The following FBXL17 variants were observed in gnomAD, a reference collection of about 807,000 sequenced individuals.
FBXL17 encodes F-box and leucine rich repeat protein 17, also known as F-box/LRR-repeat protein 17.
Under a neutral mutation model 66.2 loss-of-function variants are expected in FBXL17, and 22 were observed. The ratio of observed to expected loss-of-function variants is 0.33; its 90% confidence interval spans 0.24 to 0.47. FBXL17 has a LOEUF of 0.47. Among genes scored for constraint, FBXL17 ranks in the 20% least tolerant of loss-of-function variants. The pLI is 1.00. For synonymous variants in FBXL17, 474 were observed against 400.5 expected (o/e 1.18, Z -2.19); for missense variants, 878 against 948.2 (o/e 0.93, Z 0.97).
At chr5:108,025,581 G>A (rs531529231) in intron 6 of FBXL17, among the ~76,000 whole-genome samples, 6 of 152,002 alleles carry the variant, frequency 3.9e-5, no homozygotes, top group South Asian at 4.2e-4. Context: ...TTTAGAAATA[G>A]AACCTCATTT....
At chr5:107,893,319 G>A (rs915796119) in intron 7 of FBXL17, among the ~76,000 whole-genome samples, 3 of 152,120 alleles carry the variant, frequency 2.0e-5, no homozygotes, top group Non-Finnish European at 4.4e-5. Flanking sequence ...CTGCTCACAT[G>A]TGCACACACA....
intron 5 of FBXL17, among the ~76,000 whole-genome samples, chr5:108,222,787 T>A (rs1173398650): frequency 1.3e-5 from 2 of 148,438 alleles, no homozygotes; most frequent in African/African-American, 4.9e-5. Context: ...AATTCTCCCA[T>A]CTCAGCCTCC....
At chr5:107,967,182 C>T (rs1752176002) in intron 7 of FBXL17, among the ~76,000 whole-genome samples, 1 of 151,408 alleles carries the variant, frequency 6.6e-6, no homozygotes, top group South Asian at 2.1e-4. Context: ...TTTTTTTGTA[C>T]ATCGTTTTAA....
At chr5:108,120,535 A>T (rs940025518) in intron 6 of FBXL17, among the ~76,000 whole-genome samples, 1 of 152,210 alleles carries the variant, frequency 6.6e-6, no homozygotes, top group Non-Finnish European at 1.5e-5. Context: ...AGTTTGATCT[A>T]AAAGTTTCAC....
At chr5:108,149,304 T>C (rs1281609550) in intron 6 of FBXL17, among the ~76,000 whole-genome samples, 2 of 152,268 alleles carry the variant, frequency 1.3e-5, no homozygotes, top group Non-Finnish European at 2.9e-5. Flanking sequence ...TTTAATTTTT[T>C]ATTTAATTTT....
At chr5:108,380,624 G>C in intron 1 of FBXL17, 75 bp downstream of exon 1, 1 of 954,830 alleles carries the variant, frequency 1.0e-6, no homozygotes. Context: ...TTAGGGGGAG[G>C]AGAGAGAAAG....
chr5:108,097,745 T>A (rs286818), intron 6 of FBXL17, among the ~76,000 whole-genome samples: 28,743 of 148,862 alleles, frequency 0.19, 3,033 homozygotes, highest in South Asian at 0.42. Context: ...GAAAAGATCA[T>A]GCCACCGTAC....
chr5:108,377,867 C>T (rs1749554393), intron 1 of FBXL17, among the ~76,000 whole-genome samples: 1 of 152,200 alleles, frequency 6.6e-6, no homozygotes, highest in South Asian at 2.1e-4. Flanking sequence ...TGTCAGTTAA[C>T]AATCAACATG....
At chr5:108,040,902 T>C (rs1005120478) in intron 6 of FBXL17, among the ~76,000 whole-genome samples, 4 of 152,096 alleles carry the variant, frequency 2.6e-5, no homozygotes, top group Non-Finnish European at 5.9e-5. Context: ...AAAACAGCTA[T>C]AAAAATCATA....
intron 6 of FBXL17, among the ~76,000 whole-genome samples, chr5:108,066,761 T>C (rs1748131352): frequency 6.6e-6 from 1 of 151,970 alleles, no homozygotes; most frequent in African/African-American, 2.4e-5. Flanking sequence ...TTTTTATAAT[T>C]ATAATGTTTA....
At chr5:108,028,166 AG>A (rs1336246497) in intron 6 of FBXL17, among the ~76,000 whole-genome samples, 2 of 152,194 alleles carry the variant, frequency 1.3e-5, no homozygotes, top group Non-Finnish European at 2.9e-5. Context: ...GTAATTCTTT[AG>A]AGACCATTCT....
chr5:108,193,815 C>G (rs921320694), intron 5 of FBXL17, among the ~76,000 whole-genome samples: 3 of 152,124 alleles, frequency 2.0e-5, no homozygotes, highest in African/African-American at 7.2e-5. Context: ...TATGTATTCT[C>G]TTTCACCCAC....
chr5:108,235,103 G>A (rs1364594133), intron 4 of FBXL17, among the ~76,000 whole-genome samples: 1 of 152,180 alleles, frequency 6.6e-6, no homozygotes, highest in African/African-American at 2.4e-5. Context: ...GGAATTTGGT[G>A]TACTAATTCT....
intron 6 of FBXL17, among the ~76,000 whole-genome samples, chr5:108,127,546 G>T (rs1268497999): frequency 6.6e-6 from 1 of 152,092 alleles, no homozygotes; most frequent in Non-Finnish European, 1.5e-5. Context: ...TTGGGGAAAA[G>T]GAGATGCTTA....
chr5:108,214,991 A>C (rs1180978827), intron 5 of FBXL17, among the ~76,000 whole-genome samples: 1 of 152,232 alleles, frequency 6.6e-6, no homozygotes, highest in Non-Finnish European at 1.5e-5. Context: ...CCTCTTTATC[A>C]TAATGCTTCC....
rs539863676 is a variant in FBXL17, at chr5:108,033,112, T to C, written c.1746-12111A>G. On this transcript the variant is annotated intron_variant, in intron 6 of 8. Coordinates refer to ENST00000542267, the MANE Select transcript of FBXL17 (RefSeq NM_001163315.3). The stretch of plus-strand genomic sequence containing the variant: ...AATGGAAAATTTCAAGTGAAAAAGT[T>C]GACAGAATTGTGTAGTAAAAAACCC... Among the ~76,000 whole-genome samples, 5 of 152,334 alleles carry C rather than the reference T, an allele frequency of 3.3e-5. No individual in the cohort carries two copies. The East Asian group carries it at 9.6e-4, about 29-fold the overall frequency.
intron 6 of FBXL17, among the ~76,000 whole-genome samples, chr5:108,077,248 C>T (rs968287405): frequency 6.6e-6 from 1 of 152,176 alleles, no homozygotes; most frequent in Non-Finnish European, 1.5e-5. Context: ...CACGATCAAT[C>T]AATATTCTTG....
At chr5:107,990,090 A>C (rs986332925) in intron 7 of FBXL17, among the ~76,000 whole-genome samples, 1 of 152,212 alleles carries the variant, frequency 6.6e-6, no homozygotes, top group Non-Finnish European at 1.5e-5. Context: ...AAGAGGTAAG[A>C]GCTTTTCTTT....
chr5:107,871,123 G>A (rs1748443181), intron 8 of FBXL17, among the ~76,000 whole-genome samples: 1 of 139,474 alleles, frequency 7.2e-6, no homozygotes, highest in African/African-American at 2.7e-5. Flanking sequence ...CAGATACTGA[G>A]AATGCAATGA....
Sources: allele counts gnomAD v4.1 joint callset (sites outside exome capture counted in the v4.1 genomes callset), GRCh38; gene constraint gnomAD v4.1.1; transcripts MANE v1.5; gene names NCBI Gene and HGNC (gene_info 2026-07-23, HGNC 2026-07-21).